CTNNA2: variants seen among roughly 807,000 people sequenced by gnomAD.
CTNNA2 encodes the protein catenin alpha-2.
In CTNNA2, 42 loss-of-function variants were observed where a neutral mutation model predicts 101.0. That is an observed-to-expected ratio of 0.42 (90% CI 0.32 to 0.54). CTNNA2 has a LOEUF of 0.54. Among genes scored for constraint, CTNNA2 ranks in the 20% least tolerant of loss-of-function variants. CTNNA2 has a pLI of 0.14. For synonymous variants in CTNNA2, 450 were observed against 456.4 expected, an observed-to-expected ratio of 0.99 and a Z score of 0.18; for missense variants, 871 against 1,223.1, an observed-to-expected ratio of 0.71 and a Z score of 4.29.
intron 7 of CTNNA2, among the ~76,000 whole-genome samples, chr2:79,969,346 T>C (rs1690313925): frequency 6.6e-6 from 1 of 152,216 alleles, no homozygotes; most frequent in African/African-American, 2.4e-5. Flanking sequence ...TAAAGATGGC[T>C]CTTTTGAAAT....
rs1299313391 is a variant in CTNNA2 at position 80,306,969 on chromosome 2, T to G, written c.1057-86242T>G. 2.6e-5 allele frequency among the ~76,000 whole-genome samples: 4 copies of G among 151,686 alleles called. No individual in the cohort carries two copies. The East Asian group carries it at 5.8e-4, about 22-fold the overall frequency. ...AGGGAATAAAATTAAATTCACTGATTTATATGTGAGTTTTCTTCTAAGTGT... is the reference window on the plus strand; with the variant it reads ...AGGGAATAAAATTAAATTCACTGATGTATATGTGAGTTTTCTTCTAAGTGT... On this transcript the variant is annotated intron_variant, in intron 7 of 18. Coordinates refer to ENST00000402739, the MANE Select transcript of CTNNA2 (RefSeq NM_001282597.3).
At chr2:79,610,814 C>T (rs140933579) in intron 1 of CTNNA2, among the ~76,000 whole-genome samples, 15 of 152,096 alleles carry the variant, frequency 9.9e-5, no homozygotes, top group African/African-American at 2.9e-4. Context: ...TCTCATGTTC[C>T]GCAAATTATC....
rs1452936267 is a variant in CTNNA2, at chr2:79,407,360, G to T, written c.-135+33347G>T. Among the ~76,000 whole-genome samples the T allele has an allele frequency of 2.6e-5, 4 of 151,956 alleles. No homozygotes were observed. The East Asian group carries it at 7.8e-4, about 29-fold the overall frequency. ...TAATTCTGGTAGGTGGTAAGGTGAGGCTGCCTTCAAACCAATTTGGGGGAG... is the reference window on the plus strand; with the variant it reads ...TAATTCTGGTAGGTGGTAAGGTGAGTCTGCCTTCAAACCAATTTGGGGGAG... On this transcript the variant is annotated intron_variant, in intron 4 of 21. Coordinates refer to the CTNNA2 transcript ENST00000466387.
intron 9 of CTNNA2, among the ~76,000 whole-genome samples, chr2:80,462,263 T>C (rs1451720313): frequency 6.6e-6 from 1 of 152,204 alleles, no homozygotes; most frequent in Non-Finnish European, 1.5e-5. Context: ...AGTCTGTTGA[T>C]GATGGTATAT....
At chr2:80,305,904 T>C (rs1300347162) in intron 7 of CTNNA2, among the ~76,000 whole-genome samples, 1 of 152,294 alleles carries the variant, frequency 6.6e-6, no homozygotes, top group Admixed American at 6.5e-5. Flanking sequence ...CTCCACTGTT[T>C]GAATTCCCAT....
chr2:80,465,801 T>C lies in CTNNA2; in HGVS notation c.1290+46200T>C, dbSNP rs565334984. ...ATTTTATGATGCAGTTAGAATGAGCTCTTCATTTATTTGTTTCGTAAGCCC... is the reference window on the plus strand; with the variant it reads ...ATTTTATGATGCAGTTAGAATGAGCCCTTCATTTATTTGTTTCGTAAGCCC... On this transcript the variant is annotated intron_variant, in intron 9 of 18. Coordinates refer to ENST00000402739, the MANE Select transcript of CTNNA2 (RefSeq NM_001282597.3). Among the ~76,000 whole-genome samples the C allele has an allele frequency of 9.8e-5, 15 of 152,342 alleles. No individual in the cohort carries two copies. The East Asian group carries it at 2.3e-3, about 24-fold the overall frequency.
chr2:79,786,302 T>G (rs1674843147), intron 3 of CTNNA2, among the ~76,000 whole-genome samples: 1 of 152,102 alleles, frequency 6.6e-6, no homozygotes, highest in South Asian at 2.1e-4. Flanking sequence ...AGATATAAGT[T>G]TAATTTTTGA....
intron 7 of CTNNA2, among the ~76,000 whole-genome samples, chr2:80,090,764 C>A (rs368353771): frequency 3.3e-5 from 5 of 152,058 alleles, no homozygotes; most frequent in African/African-American, 4.8e-5. Context: ...TGATTCCCTG[C>A]ATGAGTATAG....
intron 3 of CTNNA2, among the ~76,000 whole-genome samples, chr2:79,748,753 A>C (rs1036403684): frequency 5.3e-5 from 8 of 151,952 alleles, no homozygotes; most frequent in African/African-American, 1.9e-4. Flanking sequence ...ATATATATAT[A>C]TCTTTTAAAC....
At chr2:80,031,249 C>A (rs114216203) in intron 7 of CTNNA2, among the ~76,000 whole-genome samples, 1 of 152,252 alleles carries the variant, frequency 6.6e-6, no homozygotes, top group South Asian at 2.1e-4. Context: ...GTATATAACA[C>A]GTTAACATTG....
At chr2:80,420,590 A>G (rs1383432950) in intron 9 of CTNNA2, among the ~76,000 whole-genome samples, 1 of 152,172 alleles carries the variant, frequency 6.6e-6, no homozygotes, top group African/African-American at 2.4e-5. Context: ...TGGATGGAAA[A>G]ATCAAAATCC....
At chr2:79,717,206 G>A (rs1686165908) in intron 2 of CTNNA2, among the ~76,000 whole-genome samples, 1 of 152,078 alleles carries the variant, frequency 6.6e-6, no homozygotes, top group African/African-American at 2.4e-5. Flanking sequence ...AACTATGTAA[G>A]TATCTTATTT....
chr2:80,242,401 G>A (rs1051792291), intron 7 of CTNNA2, among the ~76,000 whole-genome samples: 1 of 152,148 alleles, frequency 6.6e-6, no homozygotes, highest in Non-Finnish European at 1.5e-5. Flanking sequence ...ACAGCACTCA[G>A]GGCTTAAATA....
intron 7 of CTNNA2, among the ~76,000 whole-genome samples, chr2:80,342,419 G>A (rs1026076529): frequency 6.6e-6 from 1 of 152,162 alleles, no homozygotes; most frequent in Non-Finnish European, 1.5e-5. Flanking sequence ...GTCAGTTCTT[G>A]TAAATAAACA....
At chr2:79,366,243 A>G (rs1331266253) in intron 3 of CTNNA2, among the ~76,000 whole-genome samples, 1 of 152,214 alleles carries the variant, frequency 6.6e-6, no homozygotes, top group Non-Finnish European at 1.5e-5. Context: ...CTGCAAAACA[A>G]AAATAAATAA....
chr2:79,603,810 G>A lies in CTNNA2; in HGVS notation c.-5-47742G>A, dbSNP rs188083808. ...TGACCTCAGGCCATGTCCCTTAGGAGAGTAGCTTGAGGAGCTATAGTATGT... is the reference window on the plus strand; with the variant it reads ...TGACCTCAGGCCATGTCCCTTAGGAAAGTAGCTTGAGGAGCTATAGTATGT... On this transcript the variant is annotated intron_variant, in intron 1 of 18. Transcript: ENST00000402739. 2.6e-3 allele frequency among the ~76,000 whole-genome samples: 391 copies of A among 152,306 alleles called. 4 individuals are homozygous for A. Among genetic ancestry groups the A allele is most frequent in the African/African-American group, 9.0e-3 (375 of 41,574 alleles).
In CTNNA2 at chr2:79,562,177, G is replaced by A. The variant is rs139016967; in HGVS notation, c.-6+48970G>A. Among the ~76,000 whole-genome samples, 259 of 152,076 alleles carry A rather than the reference G, an allele frequency of 1.7e-3. 1 individual carries two copies. The highest frequency in any genetic ancestry group is 5.7e-3 in the African/African-American group (236 of 41,530). ...AACTACATTCTTTTGTATGTGGATAGCCAATTGTTTCAACACTATCTTCAA... is the reference window on the plus strand; with the variant it reads ...AACTACATTCTTTTGTATGTGGATAACCAATTGTTTCAACACTATCTTCAA... On this transcript the variant is annotated intron_variant, in intron 1 of 18. Coordinates refer to ENST00000402739, the MANE Select transcript of CTNNA2 (RefSeq NM_001282597.3).
In CTNNA2 at chr2:79,772,319, G is replaced by A. The variant is rs910588333; in HGVS notation, c.298+27737G>A. On this transcript the variant is annotated intron_variant, in intron 3 of 18. Coordinates refer to ENST00000402739, the MANE Select transcript of CTNNA2 (RefSeq NM_001282597.3). ...TCCCTGAAGACTCAATCTCTCAAGT[G>A]TCTGTGTTCCCACAGCTTGTTGTTT... 2.0e-5 allele frequency among the ~76,000 whole-genome samples: 3 copies of A among 152,178 alleles called. 1 individual carries two copies. Among genetic ancestry groups the A allele is most frequent in the African/African-American group, 7.2e-5 (3 of 41,434 alleles).
At chr2:79,393,989 C>T (rs574479733) in intron 4 of CTNNA2, among the ~76,000 whole-genome samples, 1 of 152,086 alleles carries the variant, frequency 6.6e-6, no homozygotes, top group African/African-American at 2.4e-5. Flanking sequence ...CAATTGCTGA[C>T]AGGAATCCCA....
Sources: gnomAD v4.1 joint callset for allele counts (sites outside exome capture counted in the v4.1 genomes callset) on GRCh38, gnomAD v4.1.1 for gene constraint, MANE v1.5 for transcripts, NCBI Gene and HGNC (gene_info 2026-07-23, HGNC 2026-07-21) for gene names.